AGMO: variants seen among roughly 807,000 people sequenced by gnomAD.
AGMO encodes glyceryl-ether monooxygenase.
Under a neutral mutation model 60.2 loss-of-function variants are expected in AGMO, and 75 were observed. That is an observed-to-expected ratio of 1.25 (90% CI 1.03 to 1.51). AGMO has a LOEUF of 1.51. Ranked by LOEUF, AGMO falls within the 40% of genes most tolerant of loss-of-function variation. The pLI, the probability that AGMO is intolerant of heterozygous loss-of-function variation, is 0.00. For missense variants in AGMO, 763 were observed against 525.5 expected, an observed-to-expected ratio of 1.45 and a Z score of -4.42; for synonymous variants, 261 against 177.1, an observed-to-expected ratio of 1.47 and a Z score of -3.76.
chr7:15,352,738 C>T (rs1029946339), intron 12 of AGMO, among the ~76,000 whole-genome samples: 6 of 151,468 alleles, frequency 4.0e-5, no homozygotes, highest in African/African-American at 1.2e-4. Context: ...TATCCATGCG[C>T]CTTTTTCTCA....
intron 12 of AGMO, among the ~76,000 whole-genome samples, chr7:15,322,477 TATATATATAA>T (rs1266121516): frequency 1.1e-4 from 9 of 79,710 alleles, no homozygotes; most frequent in East Asian, 7.1e-4. Context: ...AATATATAAA[TATATATATAA>T]ATATATATAA....
At chr7:15,136,136 G>A in the AGMO span, among the ~76,000 whole-genome samples, 1 of 151,888 alleles carries the variant, frequency 6.6e-6, no homozygotes, top group Non-Finnish European at 1.5e-5. Context: ...TGGGATTACA[G>A]GCATGTGCCA....
intron 3 of AGMO, among the ~76,000 whole-genome samples, chr7:15,483,362 T>C (rs1026434946): frequency 4.6e-5 from 7 of 152,044 alleles, no homozygotes; most frequent in Non-Finnish European, 7.4e-5. Flanking sequence ...GTCAGGAGAT[T>C]GAGACCATCC....
intron 10 of AGMO, among the ~76,000 whole-genome samples, chr7:15,368,839 C>G (rs1562463804): frequency 6.7e-6 from 1 of 149,924 alleles, no homozygotes; most frequent in African/African-American, 2.4e-5. Flanking sequence ...ACAAATAACT[C>G]TTTACCAAAC....
chr7:15,430,613 A>AC (rs543474111), intron 4 of AGMO, among the ~76,000 whole-genome samples: 4,353 of 143,446 alleles, frequency 0.03, 87 homozygotes, highest in Middle Eastern at 0.048. Context: ...TAAAAAAAAA[A>AC]AACAACTGGT....
At chr7:15,225,347 T>C (rs77971175) in intron 12 of AGMO, among the ~76,000 whole-genome samples, 2,879 of 152,094 alleles carry the variant, frequency 0.019, 99 homozygotes, top group African/African-American at 0.067. Flanking sequence ...CAGTTAATCT[T>C]TGTATTTTCT....
intron 12 of AGMO, among the ~76,000 whole-genome samples, chr7:15,292,751 CTTTTTTTTTT>C (rs765222435): frequency 5.3e-5 from 5 of 95,128 alleles, no homozygotes; most frequent in African/African-American, 2.3e-4. Flanking sequence ...TTTTTTTTTC[CTTTTTTTTTT>C]TTTTTTTTTT....
At chr7:15,216,977 C>G (rs1030786224) in intron 12 of AGMO, among the ~76,000 whole-genome samples, 9 of 152,124 alleles carry the variant, frequency 5.9e-5, no homozygotes, top group African/African-American at 2.2e-4. Context: ...TCCTAATTCA[C>G]AGACACAAAA....
chr7:15,493,463 T>TC (rs1469937432), intron 3 of AGMO, among the ~76,000 whole-genome samples: 1 of 131,794 alleles, frequency 7.6e-6, no homozygotes, highest in Admixed American at 9.1e-5. Context: ...AAGCTCCGCC[T>TC]CCCGGGTTCA....
chr7:15,428,503 G>C (rs1436345246), intron 4 of AGMO, among the ~76,000 whole-genome samples: 1 of 152,028 alleles, frequency 6.6e-6, no homozygotes, highest in African/African-American at 2.4e-5. Flanking sequence ...ATAGATTTTT[G>C]CTGCTTTGTT....
At chr7:15,504,330 T>A (rs1232023469) in intron 3 of AGMO, among the ~76,000 whole-genome samples, 1 of 151,998 alleles carries the variant, frequency 6.6e-6, no homozygotes, top group Non-Finnish European at 1.5e-5. Context: ...GGGCCACTAC[T>A]CTCCAAAGAA....
chr7:15,311,685 C>A (rs1188775577), intron 12 of AGMO, among the ~76,000 whole-genome samples: 1 of 152,100 alleles, frequency 6.6e-6, no homozygotes, highest in Admixed American at 6.5e-5. Context: ...TTTTAAAAAT[C>A]AGGGACCAAT....
chr7:15,365,388 A>G lies in AGMO; in HGVS notation c.1263+126T>C, dbSNP rs1478031427. 2 of 467,756 alleles carry G rather than the reference A, an allele frequency of 4.3e-6. 1 individual carries two copies. The highest frequency in any genetic ancestry group is 7.4e-6 in the Non-Finnish European group (2 of 270,578). 29.0% of individuals were successfully genotyped at this position (467,756 alleles called of 1,614,324 possible). On this transcript the variant is annotated intron_variant, in intron 12 of 12. Coordinates refer to ENST00000342526, the MANE Select transcript of AGMO (RefSeq NM_001004320.2). The stretch of plus-strand genomic sequence containing the variant: ...TAACAAGTACTGGTAAGTAAAAAAA[A>G]AAAAAAAGATCAAGATTTCCCACAT...
At chr7:15,250,682 G>A (rs1168799707) in intron 12 of AGMO, among the ~76,000 whole-genome samples, 1 of 152,136 alleles carries the variant, frequency 6.6e-6, no homozygotes, top group Non-Finnish European at 1.5e-5. Flanking sequence ...GCTCACGCCT[G>A]TAATCCCAGC....
chr7:15,343,864 G>T (rs1421414509), intron 12 of AGMO, among the ~76,000 whole-genome samples: 1 of 152,122 alleles, frequency 6.6e-6, no homozygotes, highest in Non-Finnish European at 1.5e-5. Flanking sequence ...CTTTCTTGTA[G>T]TATGTCTTAA....
At chr7:15,235,512 T>C (rs970293633) in intron 12 of AGMO, among the ~76,000 whole-genome samples, 1 of 152,116 alleles carries the variant, frequency 6.6e-6, no homozygotes, top group African/African-American at 2.4e-5. Flanking sequence ...TCTCTTCAAA[T>C]TGGATGCTGT....
intron 12 of AGMO, among the ~76,000 whole-genome samples, chr7:15,343,791 C>T (rs1781939271): frequency 6.6e-6 from 1 of 152,118 alleles, no homozygotes; most frequent in African/African-American, 2.4e-5. Context: ...GATTTTGAAT[C>T]ACAGAAAGGG....
At chr7:15,218,661 AT>A (rs1563040148) in intron 12 of AGMO, among the ~76,000 whole-genome samples, 1 of 152,030 alleles carries the variant, frequency 6.6e-6, no homozygotes, top group Admixed American at 6.6e-5. Flanking sequence ...ATACTTATTA[AT>A]TTAAAAAAAG....
chr7:15,152,103 T>C, the AGMO span, among the ~76,000 whole-genome samples: 4 of 152,192 alleles, frequency 2.6e-5, no homozygotes, highest in African/African-American at 9.7e-5. Context: ...GATAGTTAAA[T>C]CTTCTTTTGA....
Sources: gnomAD v4.1 joint callset for allele counts (sites outside exome capture counted in the v4.1 genomes callset) on GRCh38, gnomAD v4.1.1 for gene constraint, MANE v1.5 for transcripts, NCBI Gene and HGNC (gene_info 2026-07-23, HGNC 2026-07-21) for gene names.